SPATA7: variants seen among roughly 807,000 people sequenced by gnomAD.
The protein encoded by SPATA7 is spermatogenesis associated 7, also known as spermatogenesis-associated protein 7.
SPATA7 carries 43 observed loss-of-function variants against 51.8 expected under a neutral mutation model. The observed-to-expected ratio is 0.83, with a 90% CI of 0.65 to 1.07. The LOEUF is 1.07. Ranked by LOEUF, SPATA7 falls within the 50% of genes least tolerant of loss-of-function variation. The pLI is 0.00. For synonymous variants in SPATA7, 230 were observed against 252.8 expected (o/e 0.91, Z 0.86); for missense variants, 683 against 701.3 (o/e 0.97, Z 0.30).
intron 5 of SPATA7, among the ~76,000 whole-genome samples, chr14:88,421,677 G>A (rs1345813624): frequency 6.6e-6 from 1 of 152,066 alleles, no homozygotes; most frequent in Non-Finnish European, 1.5e-5. Flanking sequence ...TCGGCCGGGC[G>A]TGGTGGCTCA....
At chr14:88,438,487 G>A (rs1462305015), downstream of SPATA7, 11 of 1,242,144 alleles carry the variant, frequency 8.9e-6, no homozygotes, top group Admixed American at 1.9e-5. Context: ...TTTTTAAAAT[G>A]TATGTATAAG....
intron 8 of SPATA7, among the ~76,000 whole-genome samples, chr14:88,429,685 A>G (rs959922287): frequency 2.0e-5 from 3 of 152,146 alleles, no homozygotes; most frequent in Non-Finnish European, 4.4e-5. Flanking sequence ...TTAGTAAAGG[A>G]AAAAACCACA....
chr14:88,391,742 C>T, intron 2 of SPATA7: 1 of 441,908 alleles, frequency 2.3e-6, no homozygotes, highest in Non-Finnish European at 4.2e-6. Flanking sequence ...TTAAGGCATA[C>T]CTGCCTTGTT....
intron 3 of SPATA7, among the ~76,000 whole-genome samples, chr14:88,447,243 CTTCT>C (rs2077220261): frequency 6.7e-6 from 1 of 150,162 alleles, no homozygotes; most frequent in African/African-American, 2.5e-5. Context: ...ATGTAATGGC[CTTCT>C]TTGTCTCTTT....
Position 88,438,445 on chromosome 14 carries a change from A to C in SPATA7, c.*23A>C. The C allele has an allele frequency of 6.6e-7, 1 of 1,512,552 alleles. No individual in the cohort carries two copies. The highest frequency in any genetic ancestry group is 9.2e-7 in the Non-Finnish European group (1 of 1,089,358). 93.7% of individuals were successfully genotyped at this position (1,512,552 alleles called of 1,614,324 possible). A position where few individuals can be genotyped will look rare whatever the true frequency, so the allele number is the denominator to read the frequency against. On this transcript the variant is annotated 3_prime_UTR_variant, in exon 12 of 12. Coordinates refer to ENST00000393545, the MANE Select transcript of SPATA7 (RefSeq NM_018418.5). The stretch of plus-strand genomic sequence containing the variant: ...TAATCTTCATTAATAAATACCTCAA[A>C]TGGCCAGTAACTCAATATTACTTTT...
chr14:88,395,376 AC>A (rs1472756140), intron 3 of SPATA7, among the ~76,000 whole-genome samples: 7 of 152,188 alleles, frequency 4.6e-5, no homozygotes, highest in African/African-American at 9.6e-5. Flanking sequence ...GACTAAAAAA[AC>A]AAAAGAAAAA....
intron 4 of SPATA7, chr14:88,410,786 C>T (rs2076320812): frequency 1.3e-5 from 2 of 159,042 alleles, no homozygotes; most frequent in African/African-American, 4.8e-5. Flanking sequence ...CCCAGAGGGG[C>T]ACCCGCCATA....
intron 4 of SPATA7, among the ~76,000 whole-genome samples, chr14:88,461,656 CCGG>C: frequency 6.6e-6 from 1 of 152,232 alleles, no homozygotes; most frequent in South Asian, 2.1e-4. Flanking sequence ...CTTGCACTTC[CCGG>C]CTGAGGCGAT....
intron 3 of SPATA7, among the ~76,000 whole-genome samples, chr14:88,443,807 A>G (rs1566793348): frequency 1.3e-5 from 2 of 152,232 alleles, no homozygotes; most frequent in Admixed American, 6.5e-5. Context: ...CACAAAGGAC[A>G]TAAACTCATC....
intron 2 of SPATA7, among the ~76,000 whole-genome samples, chr14:88,392,381 A>G (rs1373223596): frequency 6.6e-6 from 1 of 152,206 alleles, no homozygotes; most frequent in Non-Finnish European, 1.5e-5. Context: ...ATCCTTTATC[A>G]GCAGTGTAAC....
At chr14:88,397,007 C>T (rs559981153) in intron 4 of SPATA7, among the ~76,000 whole-genome samples, 13 of 152,034 alleles carry the variant, frequency 8.6e-5, no homozygotes, top group African/African-American at 2.9e-4. Flanking sequence ...CAACAGCCTC[C>T]CAAGTAGGTG....
At chr14:88,387,193 T>C (rs2075604329) in intron 1 of SPATA7, among the ~76,000 whole-genome samples, 1 of 152,104 alleles carries the variant, frequency 6.6e-6, no homozygotes. Flanking sequence ...TACTATCCCA[T>C]GGTAGGGATG....
rs553027755 is a variant in SPATA7 at position 88,418,442 on chromosome 14, C to T, written c.372+1598C>T. ...GTGGTATTTTTATTATGTTTCAATT[C>T]GAAGTATTTTACAATTTTCTTTTTG... On this transcript the variant is annotated intron_variant, in intron 5 of 11. Transcript: ENST00000393545. 7.2e-5 allele frequency among the ~76,000 whole-genome samples: 11 copies of T among 152,100 alleles called. No individual in the cohort carries two copies. The East Asian group carries it at 1.4e-3, about 19-fold the overall frequency.
chr14:88,417,316 T>TATA (rs762378164), intron 5 of SPATA7, among the ~76,000 whole-genome samples: 37 of 144,032 alleles, frequency 2.6e-4, no homozygotes, highest in African/African-American at 5.0e-4. Context: ...TTTTTTTTTT[T>TATA]TATATATATA....
chr14:88,400,782 C>G (rs995577879), intron 4 of SPATA7, among the ~76,000 whole-genome samples: 1 of 152,122 alleles, frequency 6.6e-6, no homozygotes, highest in Non-Finnish European at 1.5e-5. Flanking sequence ...TTGCAGTGAG[C>G]TGAGATCATG....
intron 3 of SPATA7, among the ~76,000 whole-genome samples, chr14:88,444,581 A>T (rs1018267798): frequency 6.6e-5 from 10 of 151,830 alleles, no homozygotes; most frequent in African/African-American, 2.2e-4. Context: ...CTGAATGGTA[A>T]TGCCTAGGTT....
intron 4 of SPATA7, chr14:88,406,556 T>C (rs2076204323): frequency 6.6e-6 from 1 of 152,156 alleles, no homozygotes; most frequent in Admixed American, 6.6e-5. Flanking sequence ...CACAATTGCA[T>C]TTGTATACAG....
At chr14:88,400,713 T>A (rs866910952) in intron 4 of SPATA7, among the ~76,000 whole-genome samples, 3 of 152,096 alleles carry the variant, frequency 2.0e-5, no homozygotes, top group Admixed American at 6.5e-5. Context: ...TGCACACCTG[T>A]AATCCCAGCT....
At chr14:88,458,323 A>G (rs541312713), downstream of SPATA7, among the ~76,000 whole-genome samples, 39 of 152,114 alleles carry the variant, frequency 2.6e-4, no homozygotes, top group Non-Finnish European at 4.7e-4. Context: ...TTGTACCTCT[A>G]GTAGAATTCG....
Sources: gnomAD v4.1 joint callset for allele counts (sites outside exome capture counted in the v4.1 genomes callset) on GRCh38, gnomAD v4.1.1 for gene constraint, MANE v1.5 for transcripts, NCBI Gene and HGNC (gene_info 2026-07-23, HGNC 2026-07-21) for gene names.